PSD3: variants seen among roughly 807,000 people sequenced by gnomAD.
The protein encoded by PSD3 is PH and SEC7 domain-containing protein 3.
In PSD3, 49 loss-of-function variants were observed where a neutral mutation model predicts 105.5. That is an observed-to-expected ratio of 0.46 (90% CI 0.37 to 0.59). PSD3 has a LOEUF of 0.59. Ranked by LOEUF, PSD3 falls within the 20% of genes least tolerant of loss-of-function variation. The probability of loss-of-function intolerance (pLI) is 0.00; values close to 1 mark genes in which losing one functional copy is unlikely to be tolerated. For synonymous variants in PSD3, 557 were observed against 457.8 expected (o/e 1.22, Z -2.77); for missense variants, 1,561 against 1,263.8 (o/e 1.24, Z -3.57).
intron 1 of PSD3, among the ~76,000 whole-genome samples, chr8:19,006,587 G>T (rs1025228206): frequency 2.6e-5 from 4 of 152,054 alleles, no homozygotes; most frequent in Non-Finnish European, 5.9e-5. Context: ...AAATCCTGGA[G>T]CCTGCGAATG....
intron 4 of PSD3, among the ~76,000 whole-genome samples, chr8:18,829,046 C>T (rs866562082): frequency 6.6e-6 from 1 of 152,000 alleles, no homozygotes; most frequent in African/African-American, 2.4e-5. Context: ...GCACTCCAGC[C>T]TGGGCGACAG....
chr8:19,022,846 G>C (rs1827407133), intron 1 of PSD3, among the ~76,000 whole-genome samples: 1 of 136,822 alleles, frequency 7.3e-6, no homozygotes, highest in Non-Finnish European at 1.5e-5. Context: ...CAAGATTGTA[G>C]AACAAAGTCT....
intron 1 of PSD3, among the ~76,000 whole-genome samples, chr8:19,078,017 A>C (rs546581355): frequency 6.9e-6 from 1 of 145,868 alleles, no homozygotes; most frequent in South Asian, 2.2e-4. Context: ...ATAGTCTATA[A>C]ATCTACAAGG....
chr8:18,989,060 C>G (rs551236937), intron 1 of PSD3, among the ~76,000 whole-genome samples: 1 of 152,246 alleles, frequency 6.6e-6, no homozygotes, highest in East Asian at 1.9e-4. Context: ...CAGACGGCCT[C>G]TATTCAATTC....
chr8:18,973,806 T>G (rs1335314570), intron 1 of PSD3, among the ~76,000 whole-genome samples: 1 of 152,232 alleles, frequency 6.6e-6, no homozygotes, highest in South Asian at 2.1e-4. Flanking sequence ...ATTCTGCTGT[T>G]ATTATTAAAC....
chr8:18,795,782 G>C (rs1488483789), intron 8 of PSD3, among the ~76,000 whole-genome samples: 1 of 152,184 alleles, frequency 6.6e-6, no homozygotes, highest in Admixed American at 6.5e-5. Context: ...TCCAGAAAGG[G>C]AGTAAGTATA....
intron 9 of PSD3, among the ~76,000 whole-genome samples, chr8:18,723,163 C>T (rs963140465): frequency 6.6e-6 from 1 of 152,136 alleles, no homozygotes; most frequent in African/African-American, 2.4e-5. Flanking sequence ...GTATTTCCTC[C>T]GTGGGCAGTG....
chr8:18,804,974 GAT>G, intron 4 of PSD3, 76 bp from the exon 5 acceptor site: 1 of 1,242,244 alleles, frequency 8.0e-7, no homozygotes, highest in African/African-American at 1.5e-5. Flanking sequence ...ATGAAATATT[GAT>G]AGTTTTCTTT....
intron 1 of PSD3, among the ~76,000 whole-genome samples, chr8:19,069,571 G>C (rs1385095383): frequency 3.9e-5 from 6 of 152,224 alleles, no homozygotes; most frequent in Admixed American, 2.6e-4. Flanking sequence ...ACTTGAAACG[G>C]TGTTGAAAGG....
intron 1 of PSD3, among the ~76,000 whole-genome samples, chr8:18,987,690 C>T (rs1390871461): frequency 2.0e-5 from 3 of 151,962 alleles, no homozygotes; most frequent in Non-Finnish European, 2.9e-5. Context: ...TGTGGTGGCA[C>T]GTGCTATAGT....
intron 8 of PSD3, among the ~76,000 whole-genome samples, chr8:18,787,620 C>T (rs992837373): frequency 1.3e-5 from 2 of 152,266 alleles, no homozygotes; most frequent in Admixed American, 1.3e-4. Context: ...AAAATACTCT[C>T]TATATCGGAG....
At chr8:18,683,044 C>T (rs1017384880) in intron 9 of PSD3, among the ~76,000 whole-genome samples, 1 of 152,142 alleles carries the variant, frequency 6.6e-6, no homozygotes, top group South Asian at 2.1e-4. Flanking sequence ...ACCCTGCTCA[C>T]ACAGATGGTG....
At chr8:18,589,200 A>AC (rs1223110661) in intron 12 of PSD3, among the ~76,000 whole-genome samples, 1 of 152,090 alleles carries the variant, frequency 6.6e-6, no homozygotes, top group African/African-American at 2.4e-5. Context: ...AGCTTATAGG[A>AC]CTCCACAGGA....
intron 10 of PSD3, among the ~76,000 whole-genome samples, chr8:18,635,016 T>A (rs541450413): frequency 6.6e-6 from 1 of 152,230 alleles, no homozygotes; most frequent in East Asian, 1.9e-4. Context: ...CATTCATTAA[T>A]TGAAATTCTT....
chr8:18,999,878 A>G (rs551166148), intron 1 of PSD3: 2 of 151,712 alleles, frequency 1.3e-5, no homozygotes, highest in East Asian at 1.9e-4. Context: ...TCACAGATAC[A>G]TTTGTTTTAG....
intron 7 of PSD3, among the ~76,000 whole-genome samples, chr8:18,800,110 A>C (rs1235478882): frequency 6.6e-6 from 1 of 152,194 alleles, no homozygotes; most frequent in African/African-American, 2.4e-5. Flanking sequence ...CAAATTCTCG[A>C]AAGTATTTTA....
chr8:18,574,383 G>A (rs1802347154), intron 13 of PSD3, among the ~76,000 whole-genome samples: 1 of 152,036 alleles, frequency 6.6e-6, no homozygotes, highest in South Asian at 2.1e-4. Flanking sequence ...AAAAAATCAG[G>A]GAACAGAATA....
chr8:18,694,045 T>C (rs962169648), intron 9 of PSD3, among the ~76,000 whole-genome samples: 8 of 152,192 alleles, frequency 5.3e-5, no homozygotes, highest in Admixed American at 5.2e-4. Context: ...AATAGTCCTG[T>C]CCAAGTGTCA....
At chr8:18,978,250 A>G (rs896332180) in intron 1 of PSD3, among the ~76,000 whole-genome samples, 12 of 152,256 alleles carry the variant, frequency 7.9e-5, no homozygotes, top group Non-Finnish European at 1.6e-4. Context: ...GGGTTTCAAC[A>G]CTTTTTTCAC....
Sources: gnomAD v4.1 joint callset for allele counts (sites outside exome capture counted in the v4.1 genomes callset) on GRCh38, gnomAD v4.1.1 for gene constraint, MANE v1.5 for transcripts, NCBI Gene and HGNC (gene_info 2026-07-23, HGNC 2026-07-21) for gene names.